Variants in HDAC6 observed in about 807,000 individuals in gnomAD.
The protein encoded by HDAC6 is histone deacetylase 6.
In HDAC6, 5 loss-of-function variants were observed where a neutral mutation model predicts 88.9. The observed-to-expected ratio is 0.06, with a 90% CI of 0.03 to 0.12. The LOEUF (loss-of-function observed/expected upper bound fraction) is 0.12. Ranked by LOEUF, HDAC6 falls within the 10% of genes least tolerant of loss-of-function variation. The pLI is 1.00. For synonymous variants in HDAC6, 378 were observed against 398.0 expected, an observed-to-expected ratio of 0.95 and a Z score of 0.60; for missense variants, 706 against 1,014.4, an observed-to-expected ratio of 0.70 and a Z score of 4.13.
At chrX:48,820,047 T>C in intron 22 of HDAC6, 59 bp from the exon 23 acceptor site, 1 of 1,142,932 alleles carries the variant, frequency 8.7e-7, no homozygotes, top group Non-Finnish European at 1.2e-6. Context: ...CGCCATCACT[T>C]ACTGCCTACC....
At chrX:48,806,005 G>A (rs1439406744) in intron 6 of HDAC6, 10 of 377,784 alleles carry the variant, frequency 2.6e-5, no homozygotes, top group Non-Finnish European at 4.6e-5. Context: ...CAGATTTAGA[G>A]GCCTAGTGCT....
intron 23 of HDAC6, among the ~76,000 whole-genome samples, chrX:48,820,460 A>C (rs1310231022): frequency 4.4e-5 from 5 of 112,468 alleles, no homozygotes; most frequent in African/African-American, 6.5e-5. Context: ...TGAGCACCTC[A>C]TGTGTCTTAT....
intron 22 of HDAC6, 143 bp downstream of exon 22, chrX:48,818,555 G>C: frequency 2.1e-6 from 1 of 486,882 alleles, no homozygotes; most frequent in Non-Finnish European, 3.3e-6. Flanking sequence ...GAGGCTACCA[G>C]GGCAGTTGGT....
At chrX:48,824,110 G>A (rs370388702) in intron 27 of HDAC6, 42 bp downstream of exon 27, 2 of 1,203,376 alleles carry the variant, frequency 1.7e-6, no homozygotes, top group African/African-American at 3.5e-5. Flanking sequence ...GTTGGCCCGG[G>A]AGCAAACTGC....
chrX:48,814,490 A>G lies in HDAC6; in HGVS notation c.857A>G (p.His286Arg), dbSNP rs1007850484. 5 of 1,209,768 alleles carry G rather than the reference A, an allele frequency of 4.1e-6. No individual in the cohort carries two copies. The African/African-American group carries it at 8.7e-5, about 21-fold the overall frequency. ...HRYEQGRFWP[H>R]LKASNWSTTG... ...TACGAGCAGGGTAGGTTCTGGCCCC[A>G]CCTGAAGGCCTCTAACTGGTCCACC... The change falls in exon 11 of 29, where the codon CAC becomes CGC. Residue 286 changes from histidine to arginine, a missense_variant. This residue lies in a region of HDAC6 where 193 missense variants were observed against 258.2 expected (regional missense o/e 0.75). Transcript: ENST00000334136.
chrX:48,814,552 G>A lies in HDAC6; in HGVS notation c.919G>A (p.Val307Met). 2 of 1,212,156 alleles carry A rather than the reference G, an allele frequency of 1.6e-6. No homozygotes were observed. Among genetic ancestry groups the A allele is most frequent in the Non-Finnish European group, 2.2e-6 (2 of 895,534 alleles). ...FGQGQGYTIN[V>M]PWNQVGMRDA... ...CCAAGGCCAAGGATATACCATCAAT[G>A]TGCCTTGGAACCAGGTCAGCATCTA... Residue 307 changes from valine (V) to methionine (M), a missense_variant, in exon 11 of 29, where the codon GTG becomes ATG. This residue lies in a region of HDAC6 where 193 missense variants were observed against 258.2 expected (regional missense o/e 0.75). Transcript: ENST00000334136.
In HDAC6 at chrX:48,815,436, C is replaced by T; in HGVS notation, c.1202C>T (p.Thr401Ile). The T allele has an allele frequency of 1.7e-6, 2 of 1,208,840 alleles. No individual in the cohort carries two copies. Among genetic ancestry groups the T allele is most frequent in the Non-Finnish European group, 1.1e-6 (1 of 893,797 alleles). Reference protein sequence around the residue: ...LAEGVSASLHTLLGDPCPMLE... With the variant: ...LAEGVSASLHILLGDPCPMLE... ...GAAGGCGTCAGTGCTTCGCTCCACA[C>T]CCTTCTGGGAGACCCTTGCCCCATG... is the stretch of plus-strand genomic sequence containing the variant. Residue 401 changes from threonine (T) to isoleucine (I), a missense_variant, in exon 15 of 29, where the codon ACC (threonine) becomes ATC (isoleucine). By Grantham distance (89) the Thr-to-Ile change is moderately conservative. This residue lies in a region of HDAC6 where 106 missense variants were observed against 135.1 expected (regional missense o/e 0.78). Transcript: ENST00000334136.
At chrX:48,807,511 T>TTTTA (rs1195411499) in intron 8 of HDAC6, among the ~76,000 whole-genome samples, 1 of 112,388 alleles carries the variant, frequency 8.9e-6, no homozygotes, top group East Asian at 2.7e-4. Flanking sequence ...TTATTTTTAT[T>TTTTA]TTTATTTATT....
intron 10 of HDAC6, among the ~76,000 whole-genome samples, chrX:48,812,278 C>T (rs2062914801): frequency 8.9e-6 from 1 of 112,588 alleles, no homozygotes; most frequent in Non-Finnish European, 1.9e-5. Flanking sequence ...AGAACATGTC[C>T]ATGCCCTTGG....
At chrX:48,806,757 C>G in intron 8 of HDAC6, 51 bp downstream of exon 8, 1 of 776,309 alleles carries the variant, frequency 1.3e-6, no homozygotes, top group Non-Finnish European at 1.9e-6. Flanking sequence ...GTCCTTCCTT[C>G]AAGTGTAAAA....
At position 48,803,108 on chromosome X, in the gene HDAC6, CT is replaced by C. The variant is rs781864680; in HGVS notation, c.223-10del. On this transcript the variant is annotated intron_variant, in intron 3 of 28. Transcript: ENST00000334136. ...AGGGCCTAAAATGGATCTGTGTCTC[CT>C]TTTTTTTTTCCTCTGCAGGATCTGA... is the stretch of plus-strand genomic sequence containing the variant. 1,223 of 993,084 alleles carry C rather than the reference CT, an allele frequency of 1.2e-3. No homozygotes were observed. Among genetic ancestry groups the C allele is most frequent in the Admixed American group, 6.1e-3 (222 of 36,167 alleles). The allele number at this position is 993,084 out of a possible 1,213,427, so 81.8% of individuals were successfully genotyped here. A position where few individuals can be genotyped will look rare whatever the true frequency, so the allele number is the denominator to read the frequency against.
intron 21 of HDAC6, 24 bp downstream of exon 21, chrX:48,818,133 C>T: frequency 8.5e-7 from 1 of 1,182,689 alleles, no homozygotes; most frequent in South Asian, 1.9e-5. Context: ...TCAGGGGCCG[C>T]AGTGTGATCA....
intron 4 of HDAC6, 85 bp from the exon 5 acceptor site, chrX:48,805,353 A>C (rs1221988510): frequency 1.7e-5 from 12 of 694,544 alleles, no homozygotes; most frequent in Non-Finnish European, 2.2e-5. Flanking sequence ...CAGCTGTGGA[A>C]GGGTGGATGG....
intron 23 of HDAC6, among the ~76,000 whole-genome samples, chrX:48,821,533 C>T (rs1241480790): frequency 1.1e-5 from 1 of 94,181 alleles, no homozygotes; most frequent in Non-Finnish European, 2.1e-5. Flanking sequence ...GACAGAGTCT[C>T]GCCGTGTCAC....
rs1276335609 is a variant in HDAC6 at position 48,808,416 on chromosome X, G to A, written c.806+90G>A. On this transcript the variant is annotated intron_variant, in intron 10 of 28. Transcript: ENST00000334136. ...AGAAGGGGTCCAGAAGGAGGAAAAG[G>A]CATTCACATTCATGGGGCCTATCCT... The A allele has an allele frequency of 8.4e-6, 5 of 592,818 alleles. No homozygotes were observed. In the South Asian group the frequency reaches 1.1e-4, roughly 13 times the overall value. The allele number at this position is 592,818 out of a possible 1,213,427, so 48.9% of individuals were successfully genotyped here.
Position 48,806,693 on chromosome X carries a change from A to G in HDAC6, c.619A>G (p.Met207Val). The change falls in exon 8 of 29, where the codon ATG (methionine) becomes GTG (valine). Residue 207 changes from methionine to valine, a missense_variant. Coordinates refer to ENST00000334136, the MANE Select transcript of HDAC6 (RefSeq NM_006044.4). ...CCTGGGGGCTGAGATCCGGAATGGCATGGCCATCATTAGGTAGGACTCTAC... is the reference window on the plus strand; with the variant it reads ...CCTGGGGGCTGAGATCCGGAATGGCGTGGCCATCATTAGGTAGGACTCTAC... ...AVLGAEIRNG[M>V]AIIRPPGHHA... The G allele has an allele frequency of 8.4e-7, 1 of 1,187,437 alleles. No individual in the cohort carries two copies. The highest frequency in any genetic ancestry group is 1.1e-6 in the Non-Finnish European group (1 of 874,374).
intron 22 of HDAC6, chrX:48,819,337 TCTC>T (rs1456795658): frequency 8.5e-6 from 1 of 117,833 alleles, no homozygotes; most frequent in Non-Finnish European, 1.8e-5. Context: ...GTGACCATCT[TCTC>T]TGTATGTGGT....
chrX:48,802,227 A>G, intron 1 of HDAC6, 85 bp downstream of exon 1: 1 of 868,632 alleles, frequency 1.2e-6, no homozygotes, highest in African/African-American at 2.2e-5. Context: ...GGGCCGGCTG[A>G]GTGAAAGGGT....
chrX:48,823,652 T>G lies in HDAC6; in HGVS notation c.3190-20T>G, dbSNP rs782283126. ...AAGAATCGGGCTTCTCTGATACATC[T>G]CTTACTTCTGCGTGTCCAGGGGGCC... is the stretch of plus-strand genomic sequence containing the variant. On this transcript the variant is annotated intron_variant, in intron 25 of 28. Transcript: ENST00000334136. 1 of 1,196,187 alleles carries G rather than the reference T, an allele frequency of 8.4e-7. No individual in the cohort carries two copies. Among genetic ancestry groups the G allele is most frequent in the South Asian group, 1.8e-5 (1 of 55,740 alleles).
Sources: gnomAD v4.1 joint callset for allele counts (sites outside exome capture counted in the v4.1 genomes callset) on GRCh38, gnomAD v4.1.1 for gene constraint, gnomAD v4.1.1 regional missense constraint, MANE v1.5 for transcripts, NCBI Gene and HGNC (gene_info 2026-07-23, HGNC 2026-07-21) for gene names.